The following L3MBTL4 variants were observed in gnomAD, a reference collection of about 807,000 sequenced individuals.
L3MBTL4 encodes the protein lethal(3)malignant brain tumor-like protein 4.
L3MBTL4 carries 70 observed loss-of-function variants against 84.5 expected under a neutral mutation model. That is an observed-to-expected ratio of 0.83 (90% CI 0.68 to 1.01). The LOEUF is 1.01. Among genes scored for constraint, L3MBTL4 ranks in the 50% least tolerant of loss-of-function variants. The pLI, the probability that L3MBTL4 is intolerant of heterozygous loss-of-function variation, is 0.00. For synonymous variants in L3MBTL4, 274 were observed against 259.8 expected, an observed-to-expected ratio of 1.05 and a Z score of -0.52; for missense variants, 715 against 754.8, an observed-to-expected ratio of 0.95 and a Z score of 0.62.
chr18:6,251,212 AGT>A (rs1446642097), intron 5 of L3MBTL4, among the ~76,000 whole-genome samples: 1 of 152,238 alleles, frequency 6.6e-6, no homozygotes, highest in Non-Finnish European at 1.5e-5. Context: ...CAAGGTTTTG[AGT>A]GTGAGAGTCT....
chr18:6,059,073 C>T (rs115692944), intron 16 of L3MBTL4, among the ~76,000 whole-genome samples: 179 of 152,294 alleles, frequency 1.2e-3, no homozygotes, highest in African/African-American at 4.2e-3. Flanking sequence ...ATTACTATTC[C>T]AGCAGCAGTG....
In L3MBTL4 at chr18:6,167,838, C is replaced by T. The variant is rs555583427; in HGVS notation, c.1096+3990G>A. Reference sequence around the variant, plus strand: ...GGAAGTTCTGGCCAGGGCAATCAGGCAGAAGAAGGAAATAAAGGGCATTCA... The same window carrying T: ...GGAAGTTCTGGCCAGGGCAATCAGGTAGAAGAAGGAAATAAAGGGCATTCA... On this transcript the variant is annotated intron_variant, in intron 13 of 18. Coordinates refer to ENST00000317931, the MANE Select transcript of L3MBTL4 (RefSeq NM_001330559.2). 2.0e-5 allele frequency among the ~76,000 whole-genome samples: 3 copies of T among 152,206 alleles called. No individual in the cohort carries two copies. In the East Asian group the frequency reaches 5.8e-4, roughly 29 times the overall value.
intron 1 of L3MBTL4, among the ~76,000 whole-genome samples, chr18:6,398,179 A>T (rs1419476946): frequency 2.0e-5 from 3 of 152,210 alleles, no homozygotes; most frequent in Non-Finnish European, 4.4e-5. Flanking sequence ...CTGACTCCAA[A>T]AACAAAAAGA....
intron 1 of L3MBTL4, among the ~76,000 whole-genome samples, chr18:6,353,055 A>G (rs946843187): frequency 1.3e-5 from 2 of 152,250 alleles, no homozygotes; most frequent in East Asian, 1.9e-4. Flanking sequence ...TACCACAAGT[A>G]AATGCAACCT....
intron 1 of L3MBTL4, among the ~76,000 whole-genome samples, chr18:6,315,186 C>G: frequency 6.6e-6 from 1 of 151,894 alleles, no homozygotes; most frequent in East Asian, 1.9e-4. Flanking sequence ...GGACACTGCA[C>G]AGATCTTAAA....
At chr18:6,277,980 C>A (rs16973399) in intron 4 of L3MBTL4, among the ~76,000 whole-genome samples, 31,407 of 151,676 alleles carry the variant, frequency 0.21, 3,586 homozygotes, top group African/African-American at 0.3. Flanking sequence ...GGAACCATAC[C>A]TATGTGTTTA....
chr18:6,265,347 T>C (rs1020718668), intron 4 of L3MBTL4, among the ~76,000 whole-genome samples: 1 of 152,202 alleles, frequency 6.6e-6, no homozygotes, highest in African/African-American at 2.4e-5. Context: ...AAAGGATTAA[T>C]AGTTATCTCA....
At chr18:5,982,651 T>A (rs2145024773) in intron 16 of L3MBTL4, among the ~76,000 whole-genome samples, 1 of 152,290 alleles carries the variant, frequency 6.6e-6, no homozygotes, top group South Asian at 2.1e-4. Flanking sequence ...ATTAGTTCAT[T>A]TCAGATGCTA....
At chr18:6,271,866 T>G (rs1280996846) in intron 4 of L3MBTL4, among the ~76,000 whole-genome samples, 1 of 152,118 alleles carries the variant, frequency 6.6e-6, no homozygotes, top group African/African-American at 2.4e-5. Flanking sequence ...AAGATGCAGA[T>G]GGGAGACACT....
intron 16 of L3MBTL4, among the ~76,000 whole-genome samples, chr18:5,981,380 G>A (rs2144999375): frequency 6.6e-6 from 1 of 152,244 alleles, no homozygotes; most frequent in Admixed American, 6.5e-5. Flanking sequence ...GTATTCCATA[G>A]ACTTCAGTCT....
intron 15 of L3MBTL4, among the ~76,000 whole-genome samples, chr18:6,084,687 G>T (rs1459752071): frequency 2.0e-5 from 3 of 152,188 alleles, no homozygotes; most frequent in Non-Finnish European, 4.4e-5. Flanking sequence ...ATGCAGACTT[G>T]TGCAAGGGCA....
At chr18:6,371,346 T>C (rs1599812981) in intron 1 of L3MBTL4, among the ~76,000 whole-genome samples, 1 of 152,266 alleles carries the variant, frequency 6.6e-6, no homozygotes, top group Middle Eastern at 3.4e-3. Context: ...GAAATGCCTG[T>C]GAAAAGCAAG....
intron 5 of L3MBTL4, among the ~76,000 whole-genome samples, chr18:6,257,119 C>G (rs1402130352): frequency 6.6e-6 from 1 of 151,972 alleles, no homozygotes; most frequent in Non-Finnish European, 1.5e-5. Context: ...CAGGAAAATC[C>G]CTGAGAAGTA....
rs1166971682 is a variant in L3MBTL4, at chr18:6,263,716, G to A, written c.219+231C>T. ...GGAACCTTTCCTACCTCATGGATGA[G>A]GAAACTGAACTGAATGACTTGCCCA... On this transcript the variant is annotated intron_variant, in intron 5 of 18. Coordinates refer to ENST00000317931, the MANE Select transcript of L3MBTL4 (RefSeq NM_001330559.2). Among the ~76,000 whole-genome samples, 11 of 152,174 alleles carry A rather than the reference G, an allele frequency of 7.2e-5. No homozygotes were observed. The East Asian group carries it at 1.5e-3, about 21-fold the overall frequency.
chr18:6,382,859 C>T (rs904505818), intron 1 of L3MBTL4, among the ~76,000 whole-genome samples: 7 of 152,220 alleles, frequency 4.6e-5, no homozygotes, highest in African/African-American at 1.7e-4. Flanking sequence ...AGGTCCACTG[C>T]TCTCTTCTGA....
At chr18:6,324,566 G>A (rs1036679150) in intron 1 of L3MBTL4, among the ~76,000 whole-genome samples, 11 of 152,222 alleles carry the variant, frequency 7.2e-5, no homozygotes, top group Admixed American at 4.6e-4. Context: ...GCAAGCTGAC[G>A]CTTAAAATGT....
At chr18:6,266,553 CA>C (rs1304954839) in intron 4 of L3MBTL4, among the ~76,000 whole-genome samples, 24 of 152,130 alleles carry the variant, frequency 1.6e-4, no homozygotes, top group African/African-American at 5.8e-4. Flanking sequence ...CCTCTCGAGA[CA>C]ATACAACAAT....
intron 1 of L3MBTL4, among the ~76,000 whole-genome samples, chr18:6,353,013 T>G (rs950774447): frequency 2.0e-5 from 3 of 152,204 alleles, no homozygotes; most frequent in African/African-American, 7.2e-5. Flanking sequence ...AGTTTTTCAA[T>G]AAATTAAACT....
chr18:6,107,744 G>A (rs753281530), intron 14 of L3MBTL4, among the ~76,000 whole-genome samples: 5 of 151,982 alleles, frequency 3.3e-5, no homozygotes, highest in South Asian at 2.1e-4. Flanking sequence ...TAGAAAACTC[G>A]GACATGAAGA....
Sources: allele counts gnomAD v4.1 joint callset (sites outside exome capture counted in the v4.1 genomes callset), GRCh38; gene constraint gnomAD v4.1.1; transcripts MANE v1.5; gene names NCBI Gene and HGNC (gene_info 2026-07-23, HGNC 2026-07-21).